Variants in EXOC6B observed in about 807,000 individuals in gnomAD.
The protein encoded by EXOC6B is SEC15 homolog B.
A neutral mutation model predicts 113.5 loss-of-function variants in EXOC6B; 54 were observed. That is an observed-to-expected ratio of 0.48 (90% CI 0.38 to 0.60). The LOEUF (loss-of-function observed/expected upper bound fraction) is 0.60, where lower values mean the gene tolerates loss of function less well. Among genes scored for constraint, EXOC6B ranks in the 20% least tolerant of loss-of-function variants. The pLI, the probability that EXOC6B is intolerant of heterozygous loss-of-function variation, is 0.00. For synonymous variants in EXOC6B, 357 were observed against 339.0 expected, an observed-to-expected ratio of 1.05 and a Z score of -0.58; for missense variants, 797 against 977.5, an observed-to-expected ratio of 0.82 and a Z score of 2.46.
At chr2:72,246,007 C>T (rs1311887322) in intron 20 of EXOC6B, among the ~76,000 whole-genome samples, 1 of 152,066 alleles carries the variant, frequency 6.6e-6, no homozygotes, top group African/African-American at 2.4e-5. Flanking sequence ...CTTTTAGTTC[C>T]TCAAATGTAC....
chr2:72,382,648 C>T (rs984477063), intron 18 of EXOC6B, among the ~76,000 whole-genome samples: 9 of 152,152 alleles, frequency 5.9e-5, no homozygotes, highest in Non-Finnish European at 1.3e-4. Flanking sequence ...ATTACTTCTT[C>T]CTACTCATGA....
At chr2:72,676,126 TAA>T (rs879652258) in intron 6 of EXOC6B, among the ~76,000 whole-genome samples, 30 of 138,456 alleles carry the variant, frequency 2.2e-4, no homozygotes, top group Admixed American at 2.2e-4. Context: ...CATTCTAGTT[TAA>T]AAAAAAAAAA....
chr2:72,291,134 A>T (rs1685760494), intron 20 of EXOC6B, among the ~76,000 whole-genome samples: 1 of 152,224 alleles, frequency 6.6e-6, no homozygotes, highest in South Asian at 2.1e-4. Context: ...AGACAAAGAA[A>T]CTGAGGCTAG....
chr2:72,465,460 GC>G, intron 17 of EXOC6B, 121 bp from the exon 18 acceptor site: 1 of 712,110 alleles, frequency 1.4e-6, no homozygotes, highest in Non-Finnish European at 2.3e-6. Flanking sequence ...GGAATACTGA[GC>G]CATACATATC....
At chr2:72,624,787 AG>A (rs1487163742) in intron 6 of EXOC6B, among the ~76,000 whole-genome samples, 1 of 152,142 alleles carries the variant, frequency 6.6e-6, no homozygotes, top group Non-Finnish European at 1.5e-5. Flanking sequence ...GCATTTATAT[AG>A]TACCTACCAC....
At chr2:72,408,539 T>C (rs1357298703) in intron 18 of EXOC6B, among the ~76,000 whole-genome samples, 4 of 152,016 alleles carry the variant, frequency 2.6e-5, no homozygotes, top group Admixed American at 6.6e-5. Context: ...TGGAACAGAA[T>C]AGAGCCCTCA....
At chr2:72,743,080 T>C (rs1229363504) in intron 1 of EXOC6B, among the ~76,000 whole-genome samples, 2 of 152,100 alleles carry the variant, frequency 1.3e-5, no homozygotes, top group Non-Finnish European at 2.9e-5. Flanking sequence ...ACTCCTAATC[T>C]ATCTCCTTCC....
chr2:72,449,283 C>A (rs1046654833), intron 18 of EXOC6B, among the ~76,000 whole-genome samples: 1 of 151,926 alleles, frequency 6.6e-6, no homozygotes, highest in East Asian at 1.9e-4. Context: ...CCTGAGTTCA[C>A]GCCATTGTCC....
chr2:72,609,284 A>C (rs191414067), intron 6 of EXOC6B, among the ~76,000 whole-genome samples: 18 of 152,232 alleles, frequency 1.2e-4, no homozygotes, highest in Non-Finnish European at 1.5e-5. Context: ...TATTCAAATT[A>C]GCTGACAAAA....
At chr2:72,462,808 T>A (rs1444853234) in intron 18 of EXOC6B, 1 of 152,136 alleles carries the variant, frequency 6.6e-6, no homozygotes, top group Non-Finnish European at 1.5e-5. Context: ...TTTTTTTACA[T>A]TTATTTTATA....
At chr2:72,619,881 G>C (rs991319024) in intron 6 of EXOC6B, among the ~76,000 whole-genome samples, 10 of 152,342 alleles carry the variant, frequency 6.6e-5, no homozygotes, top group African/African-American at 2.2e-4. Context: ...CACAGAGCCT[G>C]GGAGCTTCTG....
At chr2:72,785,386 G>C (rs1197421574) in intron 1 of EXOC6B, among the ~76,000 whole-genome samples, 1 of 152,226 alleles carries the variant, frequency 6.6e-6, no homozygotes, top group Non-Finnish European at 1.5e-5. Flanking sequence ...CTCTGTGTGG[G>C]GGGCTCCAAC....
At chr2:72,717,623 CCTTTT>C (rs987426064) in intron 6 of EXOC6B, among the ~76,000 whole-genome samples, 4 of 152,006 alleles carry the variant, frequency 2.6e-5, no homozygotes, top group Admixed American at 6.6e-5. Context: ...GTTAATAAAT[CCTTTT>C]CTTTGATCAT....
At chr2:72,565,029 T>C (rs545489905) in intron 7 of EXOC6B, among the ~76,000 whole-genome samples, 18 of 152,274 alleles carry the variant, frequency 1.2e-4, no homozygotes, top group Admixed American at 3.9e-4. Flanking sequence ...AGTCAAAGGA[T>C]AGTCCCTCAA....
chr2:72,420,301 A>T (rs1694795573), intron 18 of EXOC6B, among the ~76,000 whole-genome samples: 1 of 152,172 alleles, frequency 6.6e-6, no homozygotes, highest in South Asian at 2.1e-4. Flanking sequence ...GGTTTGTTAC[A>T]TAGGTATACA....
intron 7 of EXOC6B, among the ~76,000 whole-genome samples, chr2:72,562,103 C>T (rs1703921464): frequency 6.6e-6 from 1 of 152,080 alleles, no homozygotes. Context: ...AAGAAGAGTG[C>T]TGTGAGGATA....
intron 20 of EXOC6B, among the ~76,000 whole-genome samples, chr2:72,305,320 G>GTA (rs1686769398): frequency 3.5e-5 from 3 of 85,164 alleles, no homozygotes; most frequent in Non-Finnish European, 8.9e-5. Flanking sequence ...AAATATGGGT[G>GTA]TGTGTATATG....
At chr2:72,748,125 G>C (rs1381506323) in intron 1 of EXOC6B, among the ~76,000 whole-genome samples, 1 of 152,030 alleles carries the variant, frequency 6.6e-6, no homozygotes, top group African/African-American at 2.4e-5. Flanking sequence ...TTTCTGTTGA[G>C]ATGTTTTCAG....
At chr2:72,637,167 A>G (rs1194622386) in intron 6 of EXOC6B, among the ~76,000 whole-genome samples, 1 of 152,220 alleles carries the variant, frequency 6.6e-6, no homozygotes, top group East Asian at 1.9e-4. Flanking sequence ...AAAGAAGTCA[A>G]AAACCAAAAT....
Sources: gnomAD v4.1 joint callset for allele counts (sites outside exome capture counted in the v4.1 genomes callset) on GRCh38, gnomAD v4.1.1 for gene constraint, MANE v1.5 for transcripts, NCBI Gene and HGNC (gene_info 2026-07-23, HGNC 2026-07-21) for gene names.